MECOM: variants seen among roughly 807,000 people sequenced by gnomAD.
MECOM encodes histone-lysine N-methyltransferase MECOM.
In MECOM, 13 loss-of-function variants were observed where a neutral mutation model predicts 116.3. The observed-to-expected ratio is 0.11, with a 90% CI of 0.07 to 0.18. MECOM has a LOEUF of 0.18. Among genes scored for constraint, MECOM ranks in the 10% least tolerant of loss-of-function variants. MECOM has a pLI of 1.00. For missense variants in MECOM, 1,299 were observed against 1,509.0 expected, an observed-to-expected ratio of 0.86 and a Z score of 2.31; for synonymous variants, 528 against 535.2, an observed-to-expected ratio of 0.99 and a Z score of 0.19.
At chr3:169,392,110 A>G in intron 1 of MECOM, among the ~76,000 whole-genome samples, 1 of 152,218 alleles carries the variant, frequency 6.6e-6, no homozygotes, top group East Asian at 1.9e-4. Flanking sequence ...CTGCCTCACT[A>G]AACTCTACCA....
At position 169,131,739 on chromosome 3, in the gene MECOM, G is replaced by A. The variant is rs935309326; in HGVS notation, c.511-208C>T. On this transcript the variant is annotated intron_variant, in intron 3 of 16. Coordinates refer to ENST00000651503, the MANE Select transcript of MECOM (RefSeq NM_004991.4). ...ACAAATGGAAAGCTGTGACTCTCAA[G>A]CCAGTTCACAAATCTTTTCCAAATC... The A allele has an allele frequency of 1.3e-5, 8 of 629,134 alleles. No individual in the cohort carries two copies. In the African/African-American group the frequency reaches 1.5e-4, roughly 12 times the overall value. The allele number at this position is 629,134 out of a possible 1,614,324, so 39.0% of individuals were successfully genotyped here.
chr3:169,305,068 T>C (rs1717417199), intron 2 of MECOM, among the ~76,000 whole-genome samples: 1 of 152,272 alleles, frequency 6.6e-6, no homozygotes, highest in East Asian at 1.9e-4. Context: ...ATAAATGAGG[T>C]TAGATACAAT....
intron 1 of MECOM, among the ~76,000 whole-genome samples, chr3:169,595,454 A>G (rs1767022191): frequency 6.6e-6 from 1 of 152,206 alleles, no homozygotes; most frequent in African/African-American, 2.4e-5. Context: ...ATACACTTTA[A>G]AATTGCTTCA....
chr3:169,445,470 T>C, intron 1 of MECOM, among the ~76,000 whole-genome samples: 1 of 152,214 alleles, frequency 6.6e-6, no homozygotes, highest in East Asian at 1.9e-4. Flanking sequence ...AATTGAGGTT[T>C]GGGAACCTCT....
At chr3:169,660,418 C>G (rs1776132768) in intron 1 of MECOM, among the ~76,000 whole-genome samples, 1 of 152,044 alleles carries the variant, frequency 6.6e-6, no homozygotes, top group Admixed American at 6.6e-5. Context: ...CTGTGTTGTG[C>G]ATTCAATCTC....
intron 2 of MECOM, among the ~76,000 whole-genome samples, chr3:169,260,817 G>A (rs1757441460): frequency 6.6e-6 from 1 of 152,228 alleles, no homozygotes; most frequent in Non-Finnish European, 1.5e-5. Flanking sequence ...GTTCTTTGCA[G>A]GCAGGAGAAA....
At chr3:169,203,787 G>A (rs77594305) in intron 2 of MECOM, among the ~76,000 whole-genome samples, 4,783 of 152,230 alleles carry the variant, frequency 0.031, 238 homozygotes, top group East Asian at 0.24. Flanking sequence ...TGCATTCTTA[G>A]TATTTTACTT....
intron 1 of MECOM, among the ~76,000 whole-genome samples, chr3:169,546,690 T>C (rs1311415793): frequency 6.6e-6 from 1 of 152,128 alleles, no homozygotes; most frequent in Non-Finnish European, 1.5e-5. Context: ...CTATTAGGTG[T>C]TCTACTTCCC....
chr3:169,391,974 G>A lies in MECOM; in HGVS notation c.38-10450C>T, dbSNP rs145456806. On this transcript the variant is annotated intron_variant, in intron 1 of 16. Transcript: ENST00000651503. Reference sequence around the variant, plus strand: ...GGCCTCTTCTATATAAATTACTATCGTTTGCAGCAAGAGAGAATTATAAAT... The same window carrying A: ...GGCCTCTTCTATATAAATTACTATCATTTGCAGCAAGAGAGAATTATAAAT... 1.1e-4 allele frequency among the ~76,000 whole-genome samples: 16 copies of A among 152,148 alleles called. No homozygotes were observed. In the East Asian group the frequency reaches 2.7e-3, roughly 26 times the overall value.
At chr3:169,593,660 C>A (rs531005183) in intron 1 of MECOM, among the ~76,000 whole-genome samples, 7 of 152,114 alleles carry the variant, frequency 4.6e-5, no homozygotes, top group African/African-American at 1.4e-4. Context: ...AGCTGAGAAC[C>A]ACTGGCTCTA....
At chr3:169,109,048 A>G (rs1726410483) in intron 9 of MECOM, among the ~76,000 whole-genome samples, 1 of 152,212 alleles carries the variant, frequency 6.6e-6, no homozygotes. Context: ...TAATTGCAAA[A>G]TGACTTCCAT....
At chr3:169,505,321 T>TTTG (rs1755062372) in intron 1 of MECOM, among the ~76,000 whole-genome samples, 1 of 151,842 alleles carries the variant, frequency 6.6e-6, no homozygotes, top group Non-Finnish European at 1.5e-5. Flanking sequence ...TTTTTTTTTT[T>TTTG]GCCAACATGT....
intron 1 of MECOM, among the ~76,000 whole-genome samples, chr3:169,566,449 TA>T (rs1028495941): frequency 6.6e-6 from 1 of 152,208 alleles, no homozygotes; most frequent in Non-Finnish European, 1.5e-5. Flanking sequence ...AGGCTGGTTT[TA>T]AAATTACAAT....
At chr3:169,650,268 G>A (rs1774717812) in intron 1 of MECOM, among the ~76,000 whole-genome samples, 1 of 152,208 alleles carries the variant, frequency 6.6e-6, no homozygotes, top group South Asian at 2.1e-4. Context: ...TCATAAGCTA[G>A]AAATTATTGT....
intron 12 of MECOM, among the ~76,000 whole-genome samples, chr3:169,098,183 T>C (rs892864725): frequency 6.6e-6 from 1 of 152,198 alleles, no homozygotes; most frequent in Non-Finnish European, 1.5e-5. Flanking sequence ...GATGCAATAC[T>C]ATTAACTAAA....
intron 2 of MECOM, among the ~76,000 whole-genome samples, chr3:169,218,114 G>A (rs11707805): frequency 6.6e-6 from 1 of 151,898 alleles, no homozygotes; most frequent in African/African-American, 2.4e-5. Context: ...ATCCAGAAGA[G>A]AAATATATTT....
At chr3:169,647,990 C>T (rs1329727304) in intron 1 of MECOM, among the ~76,000 whole-genome samples, 5 of 152,100 alleles carry the variant, frequency 3.3e-5, no homozygotes, top group African/African-American at 7.2e-5. Flanking sequence ...GAGATGATCA[C>T]GCCTAAGAAA....
At chr3:169,597,813 C>T (rs1286475629) in intron 1 of MECOM, among the ~76,000 whole-genome samples, 1 of 152,000 alleles carries the variant, frequency 6.6e-6, no homozygotes, top group African/African-American at 2.4e-5. Context: ...AGGTTCCTGT[C>T]CCAGAATAAT....
At chr3:169,096,280 T>TG (rs1721442459) in intron 12 of MECOM, among the ~76,000 whole-genome samples, 1 of 151,932 alleles carries the variant, frequency 6.6e-6, no homozygotes, top group African/African-American at 2.4e-5. Flanking sequence ...CTTTTTTTTT[T>TG]TTGTTTTTTA....
Sources: allele counts gnomAD v4.1 joint callset (sites outside exome capture counted in the v4.1 genomes callset), GRCh38; gene constraint gnomAD v4.1.1; transcripts MANE v1.5; gene names NCBI Gene and HGNC (gene_info 2026-07-23, HGNC 2026-07-21).